The following RORA variants were observed in gnomAD, a reference collection of about 807,000 sequenced individuals.
RORA encodes the protein nuclear receptor ROR-alpha.
In RORA, 7 loss-of-function variants were observed where a neutral mutation model predicts 69.5. That is an observed-to-expected ratio of 0.10 (90% confidence interval 0.06 to 0.19). The LOEUF (loss-of-function observed/expected upper bound fraction) is 0.19. Ranked by LOEUF, RORA falls within the 10% of genes least tolerant of loss-of-function variation. The pLI, the probability that RORA is intolerant of heterozygous loss-of-function variation, is 1.00. For synonymous variants in RORA, 261 were observed against 240.8 expected (o/e 1.08, Z -0.78); for missense variants, 457 against 663.0 (o/e 0.69, Z 3.41).
intron 1 of RORA, among the ~76,000 whole-genome samples, chr15:60,804,758 A>C (rs1160817559): frequency 6.6e-6 from 1 of 152,238 alleles, no homozygotes; most frequent in Admixed American, 6.5e-5. Flanking sequence ...AATTAGTCTC[A>C]TTGCATTTTA....
chr15:60,891,925 C>A (rs1162901149), intron 1 of RORA, among the ~76,000 whole-genome samples: 1 of 152,210 alleles, frequency 6.6e-6, no homozygotes, highest in South Asian at 2.1e-4. Context: ...TTTAGTACCA[C>A]TCCTACAAGC....
intron 1 of RORA, among the ~76,000 whole-genome samples, chr15:61,033,419 C>CAAAACCAAAA (rs1555403814): frequency 4.6e-5 from 7 of 150,646 alleles, no homozygotes; most frequent in Non-Finnish European, 7.4e-5. Flanking sequence ...AAAAAAAAAA[C>CAAAACCAAAA]AAAAACCAGT....
chr15:61,102,861 T>C (rs530471406), intron 1 of RORA, among the ~76,000 whole-genome samples: 1 of 152,348 alleles, frequency 6.6e-6, no homozygotes, highest in South Asian at 2.1e-4. Context: ...GACTGGATGC[T>C]TTTTTAAAGA....
chr15:60,541,550 C>T (rs2066872687), intron 2 of RORA, among the ~76,000 whole-genome samples: 1 of 152,114 alleles, frequency 6.6e-6, no homozygotes, highest in South Asian at 2.1e-4. Context: ...TGCCTATTCC[C>T]AAGGGGAAGT....
chr15:60,923,696 C>T (rs770306509), intron 1 of RORA, among the ~76,000 whole-genome samples: 2 of 152,174 alleles, frequency 1.3e-5, no homozygotes, highest in Non-Finnish European at 2.9e-5. Context: ...GAGGCCTTTC[C>T]GAACGCTCCA....
chr15:60,752,575 A>G (rs1229134703), intron 1 of RORA, among the ~76,000 whole-genome samples: 1 of 152,102 alleles, frequency 6.6e-6, no homozygotes, highest in Non-Finnish European at 1.5e-5. Flanking sequence ...TGCCGCCGAG[A>G]ACAACAGCGG....
chr15:60,790,393 G>A (rs1027898836), intron 1 of RORA, among the ~76,000 whole-genome samples: 1 of 152,230 alleles, frequency 6.6e-6, no homozygotes, highest in Non-Finnish European at 1.5e-5. Flanking sequence ...AGTGCACCAG[G>A]AGAATTAATT....
chr15:60,973,101 C>A (rs1361885871), intron 1 of RORA, among the ~76,000 whole-genome samples: 1 of 151,948 alleles, frequency 6.6e-6, no homozygotes, highest in African/African-American at 2.4e-5. Flanking sequence ...GTCAGCAGGG[C>A]ATGGGGAGGA....
intron 1 of RORA, among the ~76,000 whole-genome samples, chr15:61,114,566 G>T (rs1351523825): frequency 6.6e-6 from 1 of 152,192 alleles, no homozygotes; most frequent in Non-Finnish European, 1.5e-5. Flanking sequence ...TTACATGAAA[G>T]AACTTACTGT....
At chr15:60,504,044 G>C (rs1254892039) in intron 6 of RORA, among the ~76,000 whole-genome samples, 1 of 151,856 alleles carries the variant, frequency 6.6e-6, no homozygotes, top group Non-Finnish European at 1.5e-5. Context: ...CTCAAGTGTT[G>C]TCTGCCTGGG....
intron 1 of RORA, among the ~76,000 whole-genome samples, chr15:61,185,467 T>C (rs1279814570): frequency 2.0e-5 from 3 of 152,222 alleles, no homozygotes; most frequent in Non-Finnish European, 2.9e-5. Context: ...CTGCCAACTC[T>C]GTAATCAGAG....
chr15:61,033,739 T>C (rs1402419574), intron 1 of RORA, among the ~76,000 whole-genome samples: 1 of 152,080 alleles, frequency 6.6e-6, no homozygotes, highest in Non-Finnish European at 1.5e-5. Context: ...ATACACCAGA[T>C]TTTCCAGATT....
chr15:60,822,452 T>G (rs565495305), intron 1 of RORA, among the ~76,000 whole-genome samples: 188 of 152,216 alleles, frequency 1.2e-3, no homozygotes, highest in Non-Finnish European at 1.9e-3. Context: ...TTAACCTCAG[T>G]GGAAACGCTC....
At chr15:60,872,507 C>T (rs1239807637) in intron 1 of RORA, among the ~76,000 whole-genome samples, 1 of 152,018 alleles carries the variant, frequency 6.6e-6, no homozygotes, top group Non-Finnish European at 1.5e-5. Context: ...CAGAATTTAG[C>T]AACCAAGTAT....
At chr15:61,115,418 C>T (rs549651203) in intron 1 of RORA, among the ~76,000 whole-genome samples, 8 of 152,318 alleles carry the variant, frequency 5.3e-5, no homozygotes, top group Non-Finnish European at 1.2e-4. Context: ...CCTGGACATG[C>T]TGCACCACAC....
At chr15:60,666,720 T>C (rs2070388063) in intron 2 of RORA, among the ~76,000 whole-genome samples, 1 of 152,050 alleles carries the variant, frequency 6.6e-6, no homozygotes, top group African/African-American at 2.4e-5. Context: ...ATACTACAGA[T>C]ACAAAGGCAC....
At chr15:60,673,702 T>A (rs1394396475) in intron 2 of RORA, among the ~76,000 whole-genome samples, 1 of 152,208 alleles carries the variant, frequency 6.6e-6, no homozygotes, top group African/African-American at 2.4e-5. Context: ...CATTTGTGTT[T>A]TCAGATTGTT....
intron 1 of RORA, among the ~76,000 whole-genome samples, chr15:60,679,461 C>T (rs2070608956): frequency 6.6e-6 from 1 of 152,204 alleles, no homozygotes; most frequent in Non-Finnish European, 1.5e-5. Context: ...GCAAACAACA[C>T]TATCTCCATT....
At chr15:60,786,000 T>C (rs1248938170) in intron 1 of RORA, among the ~76,000 whole-genome samples, 2 of 152,300 alleles carry the variant, frequency 1.3e-5, no homozygotes, top group South Asian at 2.1e-4. Context: ...AGGCACTAAA[T>C]GAATGGAATG....
Sources: allele counts gnomAD v4.1 joint callset (sites outside exome capture counted in the v4.1 genomes callset), GRCh38; gene constraint gnomAD v4.1.1; transcripts MANE v1.5; gene names NCBI Gene and HGNC (gene_info 2026-07-23, HGNC 2026-07-21).